Variants in GLIS3 observed in about 807,000 individuals in gnomAD.
GLIS3 encodes GLIS family zinc finger 3, also known as zinc finger protein GLIS3.
Under a neutral mutation model 78.6 loss-of-function variants are expected in GLIS3, and 53 were observed. The ratio of observed to expected loss-of-function variants is 0.67; its 90% confidence interval spans 0.54 to 0.85. The LOEUF (loss-of-function observed/expected upper bound fraction) is 0.85. Among genes scored for constraint, GLIS3 ranks in the 40% least tolerant of loss-of-function variants. GLIS3 has a pLI of 0.00. For synonymous variants in GLIS3, 684 were observed against 509.9 expected (o/e 1.34, Z -4.60); for missense variants, 1,703 against 1,231.1 (o/e 1.38, Z -5.74).
intron 7 of GLIS3, among the ~76,000 whole-genome samples, chr9:3,895,786 C>T (rs1432145872): frequency 6.6e-6 from 1 of 152,170 alleles, no homozygotes; most frequent in Non-Finnish European, 1.5e-5. Context: ...CATTGCAAAA[C>T]TATGACTTCT....
chr9:4,129,167 G>T (rs1374685457), intron 2 of GLIS3, among the ~76,000 whole-genome samples: 1 of 152,152 alleles, frequency 6.6e-6, no homozygotes, highest in East Asian at 1.9e-4. Context: ...GAAACATAAT[G>T]AACACCTATA....
chr9:4,024,677 G>A (rs1005933877), intron 4 of GLIS3, among the ~76,000 whole-genome samples: 10 of 152,192 alleles, frequency 6.6e-5, no homozygotes, highest in African/African-American at 1.7e-4. Context: ...AAACTGTACC[G>A]ATTCACAGGG....
At chr9:4,177,755 G>A (rs1358276062) in intron 2 of GLIS3, among the ~76,000 whole-genome samples, 1 of 152,198 alleles carries the variant, frequency 6.6e-6, no homozygotes, top group Non-Finnish European at 1.5e-5. Context: ...AAGTGTTCCT[G>A]GTGGGTTTGG....
intron 1 of GLIS3, among the ~76,000 whole-genome samples, chr9:4,298,074 AAAAC>A (rs1426711341): frequency 2.1e-4 from 32 of 152,154 alleles, no homozygotes; most frequent in Admixed American, 2.0e-3. Flanking sequence ...GCAGCGCAAC[AAAAC>A]AAACTAGTGC....
At chr9:4,147,523 G>C (rs977097934) in intron 2 of GLIS3, 1 of 152,200 alleles carries the variant, frequency 6.6e-6, no homozygotes, top group East Asian at 1.9e-4. Flanking sequence ...CAGAGTACTT[G>C]GCATACATTT....
chr9:4,118,677 G>A lies in GLIS3; in HGVS notation c.801C>T (p.Asn267=). The change falls in exon 4 of 11, where the codon AAC becomes AAT. Residue 267 remains asparagine, a synonymous_variant. Coordinates refer to ENST00000381971, the MANE Select transcript of GLIS3 (RefSeq NM_001042413.2). This position sits in a 1 kb window ranked among gnomAD's most constrained non-coding sequence, Gnocchi z 4.7. ...TGCCAAAAAGGTAGGATGGTAATGA[G>A]TTAGAGACACTATTGCTGGACATGG... ...GTSMSSNSVS[N]SLPSYLFGTE... 1 of 1,614,182 alleles carries A rather than the reference G, an allele frequency of 6.2e-7. No homozygotes were observed. The highest frequency in any genetic ancestry group is 1.1e-5 in the South Asian group (1 of 91,076).
At chr9:4,068,095 A>G (rs939075152) in intron 4 of GLIS3, among the ~76,000 whole-genome samples, 1 of 152,186 alleles carries the variant, frequency 6.6e-6, no homozygotes, top group African/African-American at 2.4e-5. Flanking sequence ...TAGAAAATGG[A>G]GAAGTGTTAC....
intron 7 of GLIS3, among the ~76,000 whole-genome samples, chr9:3,895,904 C>G (rs1020682784): frequency 2.6e-5 from 4 of 152,156 alleles, no homozygotes; most frequent in Non-Finnish European, 5.9e-5. Flanking sequence ...GGGTTTCCAT[C>G]AAAATATTTT....
chr9:4,098,625 G>A (rs148456480), intron 4 of GLIS3, among the ~76,000 whole-genome samples: 583 of 152,242 alleles, frequency 3.8e-3, no homozygotes, highest in African/African-American at 0.013. Flanking sequence ...CATCGGTGTA[G>A]TTCTAAAAAC....
At chr9:4,321,421 C>CAAAAAA (rs35583742) in intron 2 of GLIS3, among the ~76,000 whole-genome samples, 407 of 16,302 alleles carry the variant, frequency 0.025, 164 homozygotes, top group Middle Eastern at 0.077. Context: ...GACTCCGTCT[C>CAAAAAA]AAAAAAAAAA....
At chr9:4,379,704 C>A in the GLIS3 span, among the ~76,000 whole-genome samples, 2 of 152,180 alleles carry the variant, frequency 1.3e-5, no homozygotes, top group African/African-American at 4.8e-5. Context: ...TTGCAGTCAG[C>A]ACCACTCAGG....
chr9:4,451,911 C>G, the GLIS3 span, among the ~76,000 whole-genome samples: 5 of 151,064 alleles, frequency 3.3e-5, no homozygotes, highest in Non-Finnish European at 5.9e-5. Context: ...AGACCTAAAA[C>G]TGACATCCTC....
At chr9:4,151,455 C>T (rs1333038473) in intron 2 of GLIS3, among the ~76,000 whole-genome samples, 1 of 152,286 alleles carries the variant, frequency 6.6e-6, no homozygotes, top group African/African-American at 2.4e-5. Context: ...TCAGACTGCT[C>T]AGGGAGAGCA....
intron 2 of GLIS3, among the ~76,000 whole-genome samples, chr9:4,139,204 C>A (rs888028090): frequency 6.6e-6 from 1 of 152,122 alleles, no homozygotes; most frequent in Admixed American, 6.5e-5. Flanking sequence ...TTTTCCCCTG[C>A]CCCAAGCCAA....
intron 6 of GLIS3, among the ~76,000 whole-genome samples, chr9:3,916,953 T>C (rs1312589472): frequency 6.6e-6 from 1 of 152,160 alleles, no homozygotes; most frequent in Non-Finnish European, 1.5e-5. Flanking sequence ...AGATGTACAA[T>C]GCAAAATCAG....
chr9:3,919,277 G>A (rs1824716692), intron 6 of GLIS3, among the ~76,000 whole-genome samples: 1 of 152,192 alleles, frequency 6.6e-6, no homozygotes, highest in Non-Finnish European at 1.5e-5. Context: ...AGCCAAAAGA[G>A]CACTGCATGT....
At chr9:4,107,460 A>C (rs773084388) in intron 4 of GLIS3, among the ~76,000 whole-genome samples, 1 of 152,188 alleles carries the variant, frequency 6.6e-6, no homozygotes, top group East Asian at 1.9e-4. Flanking sequence ...CCCTAGACTC[A>C]GATTGCAGAG....
chr9:3,879,401 T>C, intron 8 of GLIS3, 26 bp downstream of exon 8: 1 of 1,612,078 alleles, frequency 6.2e-7, no homozygotes, highest in South Asian at 1.1e-5. Flanking sequence ...CGACACCTAT[T>C]AGGAGAGAGA....
rs879804022 is a variant in GLIS3, at chr9:4,121,661, A to ACAC, written c.597-2781_597-2780insGTG. On this transcript the variant is annotated intron_variant, in intron 3 of 10. Transcript: ENST00000381971. Reference sequence around the variant, plus strand: ...CACACACACACACACACACACACACACCCCAAAGTTCTTAGAGAAATACAA... The same window carrying ACAC: ...CACACACACACACACACACACACACACACCCCCAAAGTTCTTAGAGAAATACAA... Among the ~76,000 whole-genome samples, 3 of 145,122 alleles carry ACAC rather than the reference A, an allele frequency of 2.1e-5. No individual in the cohort carries two copies. The East Asian group carries it at 5.9e-4, about 28-fold the overall frequency.
Sources: allele counts gnomAD v4.1 joint callset (sites outside exome capture counted in the v4.1 genomes callset), GRCh38; gene constraint gnomAD v4.1.1; non-coding constraint Gnocchi (gnomAD v3.1); transcripts MANE v1.5; gene names NCBI Gene and HGNC (gene_info 2026-07-23, HGNC 2026-07-21).